Variants in SYNE1 observed in about 807,000 individuals in gnomAD.
SYNE1 encodes spectrin repeat containing nuclear envelope protein 1.
Under a neutral mutation model 1,111.0 loss-of-function variants are expected in SYNE1, and 616 were observed. The observed-to-expected ratio is 0.55, with a 90% CI of 0.52 to 0.59. The LOEUF (loss-of-function observed/expected upper bound fraction) is 0.59, where lower values mean the gene tolerates loss of function less well. SYNE1 is among the 20% of genes least tolerant of loss of function. The probability of loss-of-function intolerance (pLI) is 0.00; values close to 1 mark genes in which losing one functional copy is unlikely to be tolerated. For synonymous variants in SYNE1, 3,855 were observed against 3,825.8 expected, an observed-to-expected ratio of 1.01 and a Z score of -0.28; for missense variants, 10,006 against 10,417.0, an observed-to-expected ratio of 0.96 and a Z score of 1.72.
chr6:152,146,337 T>G (rs1316186700), intron 137 of SYNE1: 1 of 152,204 alleles, frequency 6.6e-6, no homozygotes, highest in African/African-American at 2.4e-5. Context: ...AAAAAGAAAC[T>G]TATAAAATTA....
At chr6:152,446,364 T>C (rs2098591665) in intron 29 of SYNE1, among the ~76,000 whole-genome samples, 1 of 152,150 alleles carries the variant, frequency 6.6e-6, no homozygotes. Flanking sequence ...TGATTAATCA[T>C]AGAACTATTT....
intron 35 of SYNE1, 46 bp downstream of exon 35, chr6:152,430,436 A>G: frequency 6.5e-7 from 1 of 1,528,838 alleles, no homozygotes; most frequent in South Asian, 1.1e-5. Flanking sequence ...ACCCACAAAT[A>G]CAATGTGAAA....
intron 115 of SYNE1, among the ~76,000 whole-genome samples, chr6:152,230,109 T>G (rs958170616): frequency 6.6e-5 from 10 of 152,112 alleles, no homozygotes; most frequent in African/African-American, 2.2e-4. Context: ...CATGGCTTAC[T>G]GCAGCCTCGA....
chr6:152,515,748 T>C (rs531992011), intron 6 of SYNE1, among the ~76,000 whole-genome samples: 9 of 152,324 alleles, frequency 5.9e-5, no homozygotes, highest in African/African-American at 2.2e-4. Flanking sequence ...TCTGTATTAC[T>C]GTGCTGAATG....
In SYNE1 at chr6:152,293,742, T is replaced by C. The variant is rs1306747524; in HGVS notation, c.17858A>G (p.Glu5953Gly). Residue 5953 changes from glutamate to glycine, a missense_variant, in exon 95 of 146, where the codon GAG becomes GGG. By Grantham distance (98) the Glu-to-Gly change is moderately conservative. Transcript: ENST00000367255. ...SWETLKNVIS[E>G]KQRTLYEALE... ...AGCTTCATAGAGTGTGCGCTGCTTC[T>C]CACTGATCTACACCAGAAAAGGGAT... 2.6e-6 allele frequency: 4 copies of C among 1,566,618 alleles called. No homozygotes were observed. The highest frequency in any genetic ancestry group is 3.5e-6 in the Non-Finnish European group (4 of 1,157,548).
At chr6:152,314,897 C>A (rs7776249) in intron 87 of SYNE1, among the ~76,000 whole-genome samples, 1 of 136,238 alleles carries the variant, frequency 7.3e-6, no homozygotes, top group African/African-American at 2.6e-5. Flanking sequence ...AGCTCAGTGG[C>A]GTGATCTCGG....
Position 152,458,928 on chromosome 6 carries a change from G to A in SYNE1, c.2397C>T (p.Val799=), listed in dbSNP as rs1006310552. Residue 799 remains valine (V), a splice_region_variant and synonymous_variant, in exon 22 of 146, where the codon GTC becomes GTT. Coordinates refer to ENST00000367255, the MANE Select transcript of SYNE1 (RefSeq NM_182961.4). ...AAAGGAGTGGGGAGTAACATTCTTTGACCTTTAAAAACATAAAGACAAAAA... is the reference window on the plus strand; with the variant it reads ...AAAGGAGTGGGGAGTAACATTCTTTAACCTTTAAAAACATAAAGACAAAAA... The part of the protein sequence containing the change: ...MSKLKEQLTK[V]KECYSPLLYE... 3.7e-6 allele frequency: 6 copies of A among 1,613,640 alleles called. No individual in the cohort carries two copies. Among genetic ancestry groups the A allele is most frequent in the Non-Finnish European group, 5.1e-6 (6 of 1,179,894 alleles).
At chr6:152,519,133 A>G (rs2099126934) in intron 6 of SYNE1, among the ~76,000 whole-genome samples, 1 of 152,198 alleles carries the variant, frequency 6.6e-6, no homozygotes, top group Non-Finnish European at 1.5e-5. Flanking sequence ...AACTTAAAGT[A>G]TAATAATAAT....
rs758891626 is a variant in SYNE1 at position 152,391,421 on chromosome 6, C to T, written c.7860G>A (p.Gln2620=). Residue 2620 remains glutamine (Q), a synonymous_variant, in exon 52 of 146, where the codon CAG becomes CAA. Transcript: ENST00000367255. The part of the protein sequence containing the change: ...RMTKEKLRSC[Q]VALQEHEALE... ...GGGCTTCGTGCTCCTGAAGGGCCAC[C>T]TGGCAGCTCCGGAGTTTCTCTTTGG... 12 of 1,613,848 alleles carry T rather than the reference C, an allele frequency of 7.4e-6. No homozygotes were observed. The highest frequency in any genetic ancestry group is 1.0e-5 in the Non-Finnish European group (12 of 1,180,012).
In SYNE1 at chr6:152,589,920, C is replaced by T. The variant is rs997223023; in HGVS notation, c.67+38345G>A. ...CAGAGGAACCAGAACCAATTTGTCC[C>T]TAAACATTTCTTTTTTTTTTTTTTT... is the stretch of plus-strand genomic sequence containing the variant. On this transcript the variant is annotated intron_variant, in intron 3 of 145. Transcript: ENST00000367255. Among the ~76,000 whole-genome samples the T allele has an allele frequency of 5.7e-5, 8 of 141,456 alleles. No individual in the cohort carries two copies. In the East Asian group the frequency reaches 1.7e-3, roughly 30 times the overall value. 92.8% of individuals were successfully genotyped at this position (141,456 alleles called of 152,430 possible). A position where few individuals can be genotyped will look rare whatever the true frequency, so the allele number is the denominator to read the frequency against.
rs116635209 is a variant in SYNE1 at position 152,443,013 on chromosome 6, G to A, written c.3838-768C>T. ...AATGGTTAATTTGCTGAGATTTTGTGGGGGGAAATTGTCTTAAAGTAAACT... is the reference window on the plus strand; with the variant it reads ...AATGGTTAATTTGCTGAGATTTTGTAGGGGGAAATTGTCTTAAAGTAAACT... On this transcript the variant is annotated intron_variant, in intron 30 of 145. Coordinates refer to ENST00000367255, the MANE Select transcript of SYNE1 (RefSeq NM_182961.4). Among the ~76,000 whole-genome samples, 669 of 152,144 alleles carry A rather than the reference G, an allele frequency of 4.4e-3. 7 individuals are homozygous for A. The highest frequency in any genetic ancestry group is 0.015 in the African/African-American group (635 of 41,498).
At chr6:152,547,400 G>A (rs73782882) in intron 3 of SYNE1, among the ~76,000 whole-genome samples, 3,980 of 152,282 alleles carry the variant, frequency 0.026, 201 homozygotes, top group African/African-American at 0.091. Flanking sequence ...AGAAAGAGCC[G>A]TACATATTTT....
chr6:152,483,019 C>G, intron 14 of SYNE1, 66 bp downstream of exon 14: 2 of 1,591,764 alleles, frequency 1.3e-6, no homozygotes, highest in Middle Eastern at 1.7e-4. Context: ...CAGGTTGTAA[C>G]TAGGCTACCT....
chr6:152,635,544 G>T (rs1323136195), intron 2 of SYNE1, among the ~76,000 whole-genome samples: 1 of 152,086 alleles, frequency 6.6e-6, no homozygotes, highest in African/African-American at 2.4e-5. Context: ...GTCATGACTC[G>T]TGATTAAATT....
rs759449218 is a variant in SYNE1 at position 152,450,620 on chromosome 6, G to T, written c.3395+5C>A. 3 of 1,613,302 alleles carry T rather than the reference G, an allele frequency of 1.9e-6. No homozygotes were observed. The highest frequency in any genetic ancestry group is 2.5e-6 in the Non-Finnish European group (3 of 1,179,394). ...ACCCCTCTCTGGAGGCCATTCTGAG[G>T]CTACCTGCTAGTGTAGTCCTTCCAC... On this transcript the variant is annotated splice_donor_5th_base_variant and intron_variant, in intron 27 of 145. Transcript: ENST00000367255.
At chr6:152,209,876 T>A (rs7774714) in intron 124 of SYNE1, among the ~76,000 whole-genome samples, 1 of 152,192 alleles carries the variant, frequency 6.6e-6, no homozygotes, top group Admixed American at 6.5e-5. Context: ...ATTAGGTTCA[T>A]GATACTTCCC....
chr6:152,271,131 C>G (rs2093170759), intron 98 of SYNE1, among the ~76,000 whole-genome samples: 1 of 152,104 alleles, frequency 6.6e-6, no homozygotes, highest in Non-Finnish European at 1.5e-5. Context: ...TCCAGCTCAT[C>G]CAACCTAACT....
In SYNE1 at chr6:152,331,491, C is replaced by G; in HGVS notation, c.13194G>C (p.Gln4398His). ...LAICSELEAK[Q>H]MLLKSLIKDA... ...CCTTTATAAGCGATTTCAGGAGCAT[C>G]TGCTTGGCCTCCAGTTCACTGCAGA... The change falls in exon 78 of 146, where the codon CAG (glutamine) becomes CAC (histidine). Residue 4398 changes from glutamine to histidine, a missense_variant. Physicochemically the swap from Gln to His is conservative, Grantham distance 24 (BLOSUM62 0). This residue lies in a region of SYNE1 where 4,955 missense variants were observed against 5,017.2 expected (regional missense o/e 0.99). Coordinates refer to ENST00000367255, the MANE Select transcript of SYNE1 (RefSeq NM_182961.4). 6.2e-7 allele frequency: 1 copy of G among 1,614,088 alleles called. No individual in the cohort carries two copies. The highest frequency in any genetic ancestry group is 8.5e-7 in the Non-Finnish European group (1 of 1,179,998).
chr6:152,496,951 C>CA (rs1447761099), intron 11 of SYNE1, among the ~76,000 whole-genome samples: 1 of 152,082 alleles, frequency 6.6e-6, no homozygotes, highest in Non-Finnish European at 1.5e-5. Flanking sequence ...GGAAGCTCCC[C>CA]ACCGAGCACC....
Sources: gnomAD v4.1 joint callset for allele counts (sites outside exome capture counted in the v4.1 genomes callset) on GRCh38, gnomAD v4.1.1 for gene constraint, gnomAD v4.1.1 regional missense constraint, MANE v1.5 for transcripts, NCBI Gene and HGNC (gene_info 2026-07-23, HGNC 2026-07-21) for gene names.